The following MED27 variants were observed in gnomAD, a reference collection of about 807,000 sequenced individuals.
MED27 encodes mediator complex subunit 27.
A neutral mutation model predicts 38.2 loss-of-function variants in MED27; 30 were observed. That is an observed-to-expected ratio of 0.79 (90% confidence interval 0.59 to 1.07). MED27 has a LOEUF of 1.07. Ranked by LOEUF, MED27 falls within the 50% of genes least tolerant of loss-of-function variation. The pLI is 0.00. For missense variants in MED27, 289 were observed against 397.5 expected (o/e 0.73, Z 2.32); for synonymous variants, 122 against 153.5 (o/e 0.79, Z 1.52).
intron 4 of MED27, among the ~76,000 whole-genome samples, chr9:131,905,474 T>G (rs1830036522): frequency 6.6e-6 from 1 of 151,932 alleles, no homozygotes; most frequent in African/African-American, 2.4e-5. Context: ...GGCCCAGGGG[T>G]AGGCACCCTA....
At chr9:132,010,343 C>T (rs1832458875) in intron 3 of MED27, among the ~76,000 whole-genome samples, 1 of 152,218 alleles carries the variant, frequency 6.6e-6, no homozygotes, top group Non-Finnish European at 1.5e-5. Flanking sequence ...TACCATCTCA[C>T]ACCAGTTAGA....
intron 3 of MED27, among the ~76,000 whole-genome samples, chr9:132,008,581 G>T (rs187371636): frequency 1.3e-5 from 2 of 152,322 alleles, no homozygotes; most frequent in Admixed American, 6.5e-5. Flanking sequence ...TTAATCCCAT[G>T]AATCACTCAT....
At chr9:131,875,204 C>A (rs1838908868) in intron 6 of MED27, among the ~76,000 whole-genome samples, 1 of 152,202 alleles carries the variant, frequency 6.6e-6, no homozygotes, top group Non-Finnish European at 1.5e-5. Flanking sequence ...ATCCTGCCTA[C>A]ATCAGCATAT....
intron 5 of MED27, among the ~76,000 whole-genome samples, chr9:131,892,562 C>T (rs539818180): frequency 2.2e-4 from 33 of 152,308 alleles, no homozygotes; most frequent in Admixed American, 7.2e-4. Flanking sequence ...CTCTCCAATT[C>T]GTTTGTAAGT....
At chr9:132,034,607 T>C (rs1159470834) in intron 2 of MED27, among the ~76,000 whole-genome samples, 6 of 152,206 alleles carry the variant, frequency 3.9e-5, no homozygotes, top group Non-Finnish European at 7.3e-5. Flanking sequence ...CTCAGCGCGA[T>C]AGCTTGGGTT....
intron 6 of MED27, among the ~76,000 whole-genome samples, chr9:131,875,525 C>A (rs1012386432): frequency 1.3e-5 from 2 of 152,170 alleles, no homozygotes; most frequent in African/African-American, 4.8e-5. Context: ...AGGAAGCCTG[C>A]CCACAGGGGA....
Position 131,860,809 on chromosome 9 carries a change from G to T in MED27, c.802-137C>A. ...AAGATGCCCTGTGATTTCACAGGGA[G>T]CAGCAGGCGGAACCCACAAGGTCAC... On this transcript the variant is annotated intron_variant, in intron 7 of 7. Coordinates refer to ENST00000292035, the MANE Select transcript of MED27 (RefSeq NM_004269.4). The surrounding 1 kb of genome is among the most constrained non-coding windows in gnomAD (Gnocchi z 5.8). The T allele has an allele frequency of 1.0e-6, 1 of 959,746 alleles. No individual in the cohort carries two copies. The highest frequency in any genetic ancestry group is 1.6e-6 in the Non-Finnish European group (1 of 644,362). 59.5% of individuals were successfully genotyped at this position (959,746 alleles called of 1,614,324 possible).
At chr9:131,904,141 C>T (rs995712244) in intron 4 of MED27, among the ~76,000 whole-genome samples, 1 of 152,154 alleles carries the variant, frequency 6.6e-6, no homozygotes, top group Non-Finnish European at 1.5e-5. Flanking sequence ...CCTCGTGATC[C>T]ACTTGTCTTG....
chr9:132,002,454 A>C (rs1384506752), intron 3 of MED27, among the ~76,000 whole-genome samples: 2 of 152,194 alleles, frequency 1.3e-5, no homozygotes, highest in Non-Finnish European at 2.9e-5. Flanking sequence ...GCCTATTCTC[A>C]TGTTACTGAG....
chr9:132,032,985 A>G (rs1832995543), intron 2 of MED27, among the ~76,000 whole-genome samples: 1 of 152,256 alleles, frequency 6.6e-6, no homozygotes, highest in Non-Finnish European at 1.5e-5. Context: ...CCTGACAGGT[A>G]GCAACATTTT....
At chr9:131,919,357 A>G (rs2131549006) in intron 4 of MED27, among the ~76,000 whole-genome samples, 1 of 152,278 alleles carries the variant, frequency 6.6e-6, no homozygotes, top group African/African-American at 2.4e-5. Flanking sequence ...CTTTGGCTAC[A>G]GGGAGGTTGG....
At chr9:131,994,638 G>A (rs1376993326) in intron 3 of MED27, among the ~76,000 whole-genome samples, 1 of 152,144 alleles carries the variant, frequency 6.6e-6, no homozygotes, top group Non-Finnish European at 1.5e-5. Context: ...ATGGCCTCAG[G>A]TCATACAAAG....
chr9:131,888,249 T>C (rs1229538362), intron 5 of MED27, among the ~76,000 whole-genome samples: 1 of 152,192 alleles, frequency 6.6e-6, no homozygotes, highest in Non-Finnish European at 1.5e-5. Flanking sequence ...TAACATGAGG[T>C]TGATAAAACC....
rs1229715328 is a variant in MED27, at chr9:132,025,457, C to T, written c.349-10990G>A. On this transcript the variant is annotated intron_variant, in intron 2 of 7. Transcript: ENST00000292035. ...TCGACCTCCCAAAGTGTTGGGATTA[C>T]AGGCGTGAGCCACCGCGCCCAGCCC... 5.3e-5 allele frequency among the ~76,000 whole-genome samples: 8 copies of T among 152,368 alleles called. 1 individual carries two copies. The highest frequency in any genetic ancestry group is 3.9e-4 in the East Asian group (2 of 5,190).
chr9:131,867,102 A>G (rs1286487471), intron 6 of MED27, among the ~76,000 whole-genome samples: 1 of 152,044 alleles, frequency 6.6e-6, no homozygotes, highest in East Asian at 1.9e-4. Flanking sequence ...TTTCGTGTCA[A>G]TTTCCCTACC....
intron 2 of MED27, among the ~76,000 whole-genome samples, chr9:132,024,368 G>A (rs1322114383): frequency 1.3e-5 from 2 of 152,140 alleles, no homozygotes; most frequent in African/African-American, 4.8e-5. Flanking sequence ...TATAATGTGT[G>A]CAAAAGCCTT....
chr9:131,860,778 C>T lies in MED27; in HGVS notation c.802-106G>A. On this transcript the variant is annotated intron_variant, in intron 7 of 7. Transcript: ENST00000292035. This position sits in a 1 kb window ranked among gnomAD's most constrained non-coding sequence, Gnocchi z 5.8. ...CCCAGACAACTTAAGTTGGCTTTGG[C>T]CCCAGAAGATGCCCTGTGATTTCAC... 1 of 1,321,316 alleles carries T rather than the reference C, an allele frequency of 7.6e-7. No individual in the cohort carries two copies. The highest frequency in any genetic ancestry group is 2.2e-5 in the Admixed American group (1 of 44,634). The allele number at this position is 1,321,316 out of a possible 1,614,324, so 81.8% of individuals were successfully genotyped here.
intron 6 of MED27, among the ~76,000 whole-genome samples, chr9:131,870,350 G>C (rs1490270524): frequency 6.6e-6 from 1 of 152,188 alleles, no homozygotes; most frequent in Non-Finnish European, 1.5e-5. Flanking sequence ...CCGATGCAGG[G>C]ACAGTGCACT....
intron 4 of MED27, among the ~76,000 whole-genome samples, chr9:131,937,505 G>A (rs1185313067): frequency 6.6e-6 from 1 of 152,180 alleles, no homozygotes; most frequent in Non-Finnish European, 1.5e-5. Context: ...AAGCTCCATG[G>A]GAAAGCAGGC....
Sources: allele counts gnomAD v4.1 joint callset (sites outside exome capture counted in the v4.1 genomes callset), GRCh38; gene constraint gnomAD v4.1.1; non-coding constraint Gnocchi (gnomAD v3.1); transcripts MANE v1.5; gene names NCBI Gene and HGNC (gene_info 2026-07-23, HGNC 2026-07-21).